GRHL2: variants seen among roughly 807,000 people sequenced by gnomAD.
The protein encoded by GRHL2 is grainyhead like transcription factor 2, also known as grainyhead-like protein 2 homolog.
Under a neutral mutation model 83.8 loss-of-function variants are expected in GRHL2, and 21 were observed. The ratio of observed to expected loss-of-function variants is 0.25; its 90% CI spans 0.18 to 0.36. The LOEUF is 0.36. Ranked by LOEUF, GRHL2 falls within the 10% of genes least tolerant of loss-of-function variation. The pLI is 1.00. For synonymous variants in GRHL2, 280 were observed against 278.9 expected, an observed-to-expected ratio of 1.00 and a Z score of -0.04; for missense variants, 623 against 781.8, an observed-to-expected ratio of 0.80 and a Z score of 2.42.
At chr8:101,538,215 G>T (rs1452499037) in intron 1 of GRHL2, among the ~76,000 whole-genome samples, 3 of 152,168 alleles carry the variant, frequency 2.0e-5, no homozygotes, top group Non-Finnish European at 2.9e-5. Flanking sequence ...AGCTTCCTCT[G>T]CTTCTCCCCA....
intron 14 of GRHL2, among the ~76,000 whole-genome samples, chr8:101,659,002 A>C (rs1162643715): frequency 6.6e-6 from 1 of 152,210 alleles, no homozygotes; most frequent in African/African-American, 2.4e-5. Context: ...CCCTTTACAG[A>C]ATAATGTTTT....
At chr8:101,635,095 C>G (rs1035295246) in intron 11 of GRHL2, among the ~76,000 whole-genome samples, 1 of 152,168 alleles carries the variant, frequency 6.6e-6, no homozygotes, top group Admixed American at 6.5e-5. Flanking sequence ...CTCTCACACA[C>G]TCAAAAACCA....
At chr8:101,633,085 A>G (rs1813220027) in intron 11 of GRHL2, among the ~76,000 whole-genome samples, 1 of 152,210 alleles carries the variant, frequency 6.6e-6, no homozygotes, top group Non-Finnish European at 1.5e-5. Flanking sequence ...TTGTGTTCAT[A>G]TTATGATCCC....
chr8:101,517,353 A>G (rs1233831260), intron 1 of GRHL2, among the ~76,000 whole-genome samples: 1 of 152,100 alleles, frequency 6.6e-6, no homozygotes, highest in Non-Finnish European at 1.5e-5. Context: ...AGGATGATTC[A>G]TGGACGCCTC....
intron 7 of GRHL2, among the ~76,000 whole-genome samples, chr8:101,579,123 G>T (rs1194427883): frequency 6.6e-6 from 1 of 152,156 alleles, no homozygotes; most frequent in East Asian, 1.9e-4. Flanking sequence ...ACTAGGACGG[G>T]GATTGGGGAT....
At chr8:101,575,130 T>C (rs1811907261) in intron 6 of GRHL2, among the ~76,000 whole-genome samples, 1 of 152,146 alleles carries the variant, frequency 6.6e-6, no homozygotes, top group African/African-American at 2.4e-5. Context: ...TATTTCTCTC[T>C]GGATATATTT....
intron 9 of GRHL2, among the ~76,000 whole-genome samples, chr8:101,624,025 GACAGTTC>G (rs1273908236): frequency 3.2e-5 from 4 of 124,358 alleles, no homozygotes; most frequent in East Asian, 2.4e-4. Context: ...TACACAGTAG[GACAGTTC>G]ACAGTACACA....
intron 12 of GRHL2, among the ~76,000 whole-genome samples, chr8:101,640,316 T>G (rs1345283587): frequency 1.3e-5 from 2 of 152,216 alleles, no homozygotes; most frequent in African/African-American, 4.8e-5. Flanking sequence ...TTTGATTTTT[T>G]TTTAAATCAT....
chr8:101,576,424 TC>T (rs752579149), intron 6 of GRHL2, among the ~76,000 whole-genome samples: 5 of 152,108 alleles, frequency 3.3e-5, no homozygotes, highest in Admixed American at 6.5e-5. Flanking sequence ...CTCACTATGT[TC>T]CCCAGGCTGG....
chr8:101,565,109 G>T (rs528794597), intron 4 of GRHL2, among the ~76,000 whole-genome samples: 1 of 152,280 alleles, frequency 6.6e-6, no homozygotes, highest in South Asian at 2.1e-4. Context: ...CTGTCATCCT[G>T]CAAGGAAGGT....
At chr8:101,617,411 T>C (rs1329627345) in intron 8 of GRHL2, among the ~76,000 whole-genome samples, 2 of 152,188 alleles carry the variant, frequency 1.3e-5, no homozygotes, top group African/African-American at 4.8e-5. Flanking sequence ...GCACTACAAA[T>C]GAGATGCCTG....
intron 1 of GRHL2, among the ~76,000 whole-genome samples, chr8:101,523,852 C>A (rs543638836): frequency 2.0e-5 from 3 of 152,074 alleles, no homozygotes; most frequent in Admixed American, 2.0e-4. Context: ...AATCACGCAC[C>A]ATCCCACCTC....
intron 7 of GRHL2, among the ~76,000 whole-genome samples, chr8:101,579,907 C>T (rs182381161): frequency 1.0e-3 from 154 of 152,248 alleles, no homozygotes; most frequent in Non-Finnish European, 1.6e-3. Flanking sequence ...GCAGAGAGTG[C>T]GTGGGCCGTA....
Position 101,552,839 on chromosome 8 carries a change from A to G in GRHL2, c.284+57A>G, listed in dbSNP as rs1251439644. The G allele has an allele frequency of 4.0e-6, 6 of 1,494,810 alleles. No homozygotes were observed. In the East Asian group the frequency reaches 9.5e-5, roughly 24 times the overall value. 92.6% of individuals were successfully genotyped at this position (1,494,810 alleles called of 1,614,324 possible). On this transcript the variant is annotated intron_variant, in intron 3 of 15. Transcript: ENST00000646743. Reference sequence around the variant, plus strand: ...TCTATGTTTTCTAAAAAACAATGTTATTAAACTGTATGTTTTGTTCTTGAG... The same window carrying G: ...TCTATGTTTTCTAAAAAACAATGTTGTTAAACTGTATGTTTTGTTCTTGAG...
Position 101,649,506 on chromosome 8 carries a change from C to T in GRHL2, c.1698+7C>T, listed in dbSNP as rs199657203. The T allele has an allele frequency of 1.8e-4, 283 of 1,606,436 alleles. No homozygotes were observed. Among genetic ancestry groups the T allele is most frequent in the Admixed American group, 5.2e-4 (31 of 59,978 alleles). Reference sequence around the variant, plus strand: ...GAAGGGCCTGATGGAAGCGGTAAGCCATATACTCCTTTCAGCCTCCAGGAA... The same window carrying T: ...GAAGGGCCTGATGGAAGCGGTAAGCTATATACTCCTTTCAGCCTCCAGGAA... On this transcript the variant is annotated splice_region_variant and intron_variant, in intron 14 of 15. Transcript: ENST00000646743.
chr8:101,632,280 A>T lies in GRHL2; in HGVS notation c.1400A>T (p.Tyr467Phe), dbSNP rs774399895. ...TTACAGAAGAAGAGTGACATCACCTACTTCAAAACCATGCCTGATCTCCAC... is the reference window on the plus strand; with the variant it reads ...TTACAGAAGAAGAGTGACATCACCTTCTTCAAAACCATGCCTGATCTCCAC... ...IPLQKKSDITYFKTMPDLHSQ... is the reference protein window; with the variant it reads ...IPLQKKSDITFFKTMPDLHSQ... Residue 467 changes from tyrosine to phenylalanine, a missense_variant, in exon 11 of 16, where the codon TAC becomes TTC. Coordinates refer to ENST00000646743, the MANE Select transcript of GRHL2 (RefSeq NM_024915.4). The T allele has an allele frequency of 6.2e-7, 1 of 1,614,008 alleles. No individual in the cohort carries two copies. The highest frequency in any genetic ancestry group is 1.1e-5 in the South Asian group (1 of 91,088).
chr8:101,638,289 T>A (rs569451292), intron 12 of GRHL2, among the ~76,000 whole-genome samples: 1 of 152,334 alleles, frequency 6.6e-6, no homozygotes, highest in Non-Finnish European at 1.5e-5. Context: ...TGGCAAACTA[T>A]AGCCAGAGGA....
the GRHL2 span, among the ~76,000 whole-genome samples, chr8:101,676,756 GC>G: frequency 1.3e-5 from 2 of 152,092 alleles, no homozygotes; most frequent in Non-Finnish European, 2.9e-5. Flanking sequence ...AAAGATACAT[GC>G]ACACATATGT....
chr8:101,628,901 A>G (rs1312599402), intron 9 of GRHL2, among the ~76,000 whole-genome samples: 2 of 152,158 alleles, frequency 1.3e-5, no homozygotes, highest in African/African-American at 2.4e-5. Context: ...GAAAACTTGA[A>G]CATATGAGGA....
Sources: allele counts gnomAD v4.1 joint callset (sites outside exome capture counted in the v4.1 genomes callset), GRCh38; gene constraint gnomAD v4.1.1; transcripts MANE v1.5; gene names NCBI Gene and HGNC (gene_info 2026-07-23, HGNC 2026-07-21).